Variants in LINGO2 observed in about 807,000 individuals in gnomAD.
LINGO2 encodes the protein leucine-rich repeat and immunoglobulin-like domain-containing nogo receptor-interacting protein 2.
LINGO2 carries 14 observed loss-of-function variants against 30.6 expected under a neutral mutation model. The observed-to-expected ratio is 0.46, with a 90% confidence interval of 0.30 to 0.72. LINGO2 has a LOEUF of 0.72. LINGO2 is among the 30% of genes least tolerant of loss of function. The pLI is 0.07. For missense variants in LINGO2, 729 were observed against 751.7 expected, an observed-to-expected ratio of 0.97 and a Z score of 0.35; for synonymous variants, 317 against 288.5, an observed-to-expected ratio of 1.10 and a Z score of -1.00.
the LINGO2 span, among the ~76,000 whole-genome samples, chr9:28,726,218 T>A: frequency 6.6e-6 from 1 of 152,172 alleles, no homozygotes; most frequent in African/African-American, 2.4e-5. Context: ...TCAATTTGAA[T>A]ATCTCATTAT....
At chr9:28,833,767 A>G in the LINGO2 span, among the ~76,000 whole-genome samples, 2 of 152,184 alleles carry the variant, frequency 1.3e-5, no homozygotes, top group African/African-American at 4.8e-5. Flanking sequence ...ATATAAAAAG[A>G]ATAGAAAGAA....
intron 4 of LINGO2, among the ~76,000 whole-genome samples, chr9:28,198,598 T>C (rs911108392): frequency 6.6e-6 from 1 of 152,168 alleles, no homozygotes; most frequent in Non-Finnish European, 1.5e-5. Context: ...GGAAGTGTCT[T>C]GAGGAACTTC....
chr9:28,128,488 C>G (rs913210733), intron 4 of LINGO2, among the ~76,000 whole-genome samples: 1 of 152,218 alleles, frequency 6.6e-6, no homozygotes, highest in South Asian at 2.1e-4. Flanking sequence ...CTCTGTTTCT[C>G]TTAATTTCCC....
At chr9:28,037,723 G>T (rs114237925) in intron 4 of LINGO2, among the ~76,000 whole-genome samples, 4 of 152,224 alleles carry the variant, frequency 2.6e-5, no homozygotes, top group Admixed American at 2.6e-4. Context: ...ATAAATTAGC[G>T]AATGAATGAA....
At chr9:28,318,192 C>T (rs1824913508) in intron 3 of LINGO2, among the ~76,000 whole-genome samples, 1 of 152,112 alleles carries the variant, frequency 6.6e-6, no homozygotes, top group Admixed American at 6.5e-5. Context: ...TTATAAACAC[C>T]TAAGAAATGC....
At chr9:28,121,606 C>G (rs998738457) in intron 4 of LINGO2, among the ~76,000 whole-genome samples, 1 of 152,090 alleles carries the variant, frequency 6.6e-6, no homozygotes, top group Non-Finnish European at 1.5e-5. Flanking sequence ...TCAGCCGGGT[C>G]TCTTGGCAGA....
At chr9:28,272,849 C>T (rs567836136) in intron 4 of LINGO2, among the ~76,000 whole-genome samples, 1 of 152,220 alleles carries the variant, frequency 6.6e-6, no homozygotes, top group Non-Finnish European at 1.5e-5. Context: ...AGGAAAATTA[C>T]TAACTGAACC....
At chr9:28,865,316 T>C in the LINGO2 span, among the ~76,000 whole-genome samples, 1 of 152,078 alleles carries the variant, frequency 6.6e-6, no homozygotes, top group Admixed American at 6.6e-5. Flanking sequence ...GTCTGAAATA[T>C]GGGCAGAGTA....
the LINGO2 span, among the ~76,000 whole-genome samples, chr9:28,867,691 C>T: frequency 2.6e-5 from 4 of 152,212 alleles, no homozygotes; most frequent in Admixed American, 6.5e-5. Context: ...GCCTTCAACA[C>T]GTGGCAGTTG....
the LINGO2 span, among the ~76,000 whole-genome samples, chr9:28,840,822 A>G: frequency 6.6e-6 from 1 of 151,842 alleles, no homozygotes; most frequent in Non-Finnish European, 1.5e-5. Flanking sequence ...AGGTCTCCAG[A>G]AGGGAGAGTA....
intron 1 of LINGO2, among the ~76,000 whole-genome samples, chr9:28,535,350 A>G (rs1469065382): frequency 6.6e-6 from 1 of 152,138 alleles, no homozygotes; most frequent in Admixed American, 6.5e-5. Context: ...CATGAATTAT[A>G]TTAGTATTCT....
the LINGO2 span, among the ~76,000 whole-genome samples, chr9:28,931,418 G>T: frequency 2.0e-5 from 3 of 152,284 alleles, no homozygotes; most frequent in African/African-American, 7.2e-5. Context: ...ATCTGGGCAG[G>T]TACAATCCAT....
the LINGO2 span, among the ~76,000 whole-genome samples, chr9:28,992,765 C>G: frequency 6.6e-6 from 1 of 152,050 alleles, no homozygotes; most frequent in African/African-American, 2.4e-5. Flanking sequence ...TGAGTGGCTA[C>G]TGGGTACATA....
Position 28,157,295 on chromosome 9 carries a change from G to C in LINGO2, c.-87+137913C>G, listed in dbSNP as rs1828159093. Among the ~76,000 whole-genome samples the C allele has an allele frequency of 2.6e-5, 4 of 152,308 alleles. No homozygotes were observed. In the South Asian group the frequency reaches 8.3e-4, roughly 32 times the overall value. On this transcript the variant is annotated intron_variant, in intron 4 of 5. Coordinates refer to ENST00000379992, the Ensembl canonical transcript of LINGO2. ...CACCATGTGGAAGCTGCCAAGGCTT[G>C]GGGCTTCCACCCTCTGAAGCCATGG... is the stretch of plus-strand genomic sequence containing the variant.
chr9:28,993,841 T>A, the LINGO2 span, among the ~76,000 whole-genome samples: 1 of 152,110 alleles, frequency 6.6e-6, no homozygotes, highest in East Asian at 1.9e-4. Context: ...AAACTCTCAA[T>A]AAATTAGGTA....
chr9:28,224,010 C>T (rs1821057545), intron 4 of LINGO2, among the ~76,000 whole-genome samples: 1 of 152,166 alleles, frequency 6.6e-6, no homozygotes, highest in Non-Finnish European at 1.5e-5. Flanking sequence ...CAGGTAATAG[C>T]TGTAATCACT....
the LINGO2 span, among the ~76,000 whole-genome samples, chr9:28,837,834 C>A: frequency 6.7e-6 from 1 of 150,224 alleles, no homozygotes; most frequent in Non-Finnish European, 1.5e-5. Flanking sequence ...GTTAGAAAAA[C>A]AAAAATTTGA....
At chr9:27,938,230 A>C in the LINGO2 span, 1 of 152,156 alleles carries the variant, frequency 6.6e-6, no homozygotes, top group Non-Finnish European at 1.5e-5. Context: ...AGATAACCTA[A>C]GCCAATCGAT....
chr9:28,635,832 G>A (rs534468920), intron 1 of LINGO2, among the ~76,000 whole-genome samples: 1 of 151,814 alleles, frequency 6.6e-6, no homozygotes, highest in African/African-American at 2.4e-5. Flanking sequence ...CTGTTTGTTT[G>A]TTTTATTATA....
Sources: allele counts gnomAD v4.1 joint callset (sites outside exome capture counted in the v4.1 genomes callset), GRCh38; gene constraint gnomAD v4.1.1; transcripts MANE v1.5; gene names NCBI Gene and HGNC (gene_info 2026-07-23, HGNC 2026-07-21).